The following MAML3 variants were observed in gnomAD, a reference collection of about 807,000 sequenced individuals.
The protein encoded by MAML3 is mastermind like transcriptional coactivator 3.
In MAML3, 27 loss-of-function variants were observed where a neutral mutation model predicts 101.9. That is an observed-to-expected ratio of 0.27 (90% CI 0.20 to 0.37). The LOEUF (loss-of-function observed/expected upper bound fraction) is 0.37. Among genes scored for constraint, MAML3 ranks in the 10% least tolerant of loss-of-function variants. MAML3 has a pLI of 1.00. For synonymous variants in MAML3, 501 were observed against 555.9 expected (o/e 0.90, Z 1.39); for missense variants, 1,316 against 1,444.9 (o/e 0.91, Z 1.45).
chr4:140,045,107 G>T (rs1022191749), intron 1 of MAML3, among the ~76,000 whole-genome samples: 18 of 152,134 alleles, frequency 1.2e-4, no homozygotes, highest in Admixed American at 5.2e-4. Flanking sequence ...TTAAAAAACA[G>T]AATCTGGGCC....
chr4:139,933,977 G>C (rs1044369085), intron 1 of MAML3, among the ~76,000 whole-genome samples: 1 of 152,130 alleles, frequency 6.6e-6, no homozygotes, highest in Admixed American at 6.6e-5. Flanking sequence ...GAGTGTATGT[G>C]ATTATGAATG....
intron 1 of MAML3, among the ~76,000 whole-genome samples, chr4:139,899,499 T>G (rs1227889926): frequency 6.6e-6 from 1 of 152,156 alleles, no homozygotes; most frequent in Non-Finnish European, 1.5e-5. Context: ...AACTGAGGGG[T>G]GCTCTGTGTC....
chr4:139,885,706 G>A (rs1205703749), intron 2 of MAML3, among the ~76,000 whole-genome samples: 1 of 149,594 alleles, frequency 6.7e-6, no homozygotes, highest in African/African-American at 2.5e-5. Context: ...GGCGGATCAC[G>A]AGGTCAGGAG....
chr4:140,128,074 T>A (rs1482205554), intron 1 of MAML3: 2 of 152,296 alleles, frequency 1.3e-5, no homozygotes, highest in East Asian at 3.9e-4. Context: ...AACAGGCAGC[T>A]CCTCTTCTCC....
chr4:140,083,337 C>G (rs1476463339), intron 1 of MAML3, among the ~76,000 whole-genome samples: 1 of 152,224 alleles, frequency 6.6e-6, no homozygotes, highest in African/African-American at 2.4e-5. Context: ...ACACATATAA[C>G]TAATACATGG....
chr4:139,827,317 C>T (rs985640703), intron 2 of MAML3, among the ~76,000 whole-genome samples: 21 of 152,166 alleles, frequency 1.4e-4, no homozygotes, highest in Non-Finnish European at 2.2e-4. Flanking sequence ...AGGAACAGTT[C>T]TCAGCAATGC....
chr4:140,123,174 A>G (rs531807105), intron 1 of MAML3, among the ~76,000 whole-genome samples: 1 of 150,890 alleles, frequency 6.6e-6, no homozygotes, highest in Admixed American at 6.6e-5. Context: ...GACCACAGCT[A>G]CTTTTCTACT....
At chr4:140,039,402 C>A (rs903533298) in intron 1 of MAML3, among the ~76,000 whole-genome samples, 3 of 152,290 alleles carry the variant, frequency 2.0e-5, no homozygotes, top group South Asian at 2.1e-4. Flanking sequence ...AGCCATGGAA[C>A]CATGGCTGAC....
intron 1 of MAML3, among the ~76,000 whole-genome samples, chr4:139,983,004 C>T (rs1383673808): frequency 1.3e-5 from 2 of 152,204 alleles, no homozygotes; most frequent in Non-Finnish European, 2.9e-5. Context: ...TAGGTCGGCA[C>T]CTTTATCGCC....
chr4:140,007,227 G>A lies in MAML3; in HGVS notation c.469-116260C>T, dbSNP rs542870177. The stretch of plus-strand genomic sequence containing the variant: ...GAAAAGTAAGATCTAAAAGAGATTA[G>A]AGAAAACAAGAGGATACGTGATAAA... On this transcript the variant is annotated intron_variant, in intron 1 of 4. Transcript: ENST00000509479. Among the ~76,000 whole-genome samples, 7 of 152,272 alleles carry A rather than the reference G, an allele frequency of 4.6e-5. No individual in the cohort carries two copies. The East Asian group carries it at 1.3e-3, about 29-fold the overall frequency.
chr4:140,052,092 GA>G (rs1251640980), intron 1 of MAML3, among the ~76,000 whole-genome samples: 1 of 151,940 alleles, frequency 6.6e-6, no homozygotes. Context: ...ATGGGTTAAG[GA>G]AAAAAATGAG....
Position 139,890,168 on chromosome 4 carries a change from T to G in MAML3, c.1268A>C (p.Gln423Pro). 6.2e-7 allele frequency: 1 copy of G among 1,613,438 alleles called. No homozygotes were observed. The highest frequency in any genetic ancestry group is 8.5e-7 in the Non-Finnish European group (1 of 1,179,864). The change falls in exon 2 of 5, where the codon CAA (glutamine) becomes CCA (proline). Residue 423 changes from glutamine to proline, a missense_variant. By Grantham distance (76) the Gln-to-Pro change is moderately conservative. Transcript: ENST00000509479. This position sits in a 1 kb window ranked among gnomAD's most constrained non-coding sequence, Gnocchi z 4.1. ...TGGAGCTTGGCCTGGAGTGTGGGCT[T>G]GGTTTGGAGTTTGAGGGGACTGGAC... is the stretch of plus-strand genomic sequence containing the variant. ...CAVQSPQTPN[Q>P]AHTPGQAPPR...
intron 1 of MAML3, among the ~76,000 whole-genome samples, chr4:140,074,066 A>G (rs563578433): frequency 1.1e-4 from 16 of 151,904 alleles, no homozygotes; most frequent in African/African-American, 3.6e-4. Context: ...CGGGAGGTGG[A>G]GGTTGCTATG....
intron 1 of MAML3, among the ~76,000 whole-genome samples, chr4:140,095,970 C>T (rs947995966): frequency 3.3e-5 from 5 of 151,686 alleles, no homozygotes; most frequent in African/African-American, 1.2e-4. Flanking sequence ...CCTGTGTAGT[C>T]TCAGCACCCA....
intron 1 of MAML3, among the ~76,000 whole-genome samples, chr4:140,049,366 T>G (rs1727231691): frequency 6.6e-6 from 1 of 152,134 alleles, no homozygotes; most frequent in Non-Finnish European, 1.5e-5. Flanking sequence ...GGGGTCAGGA[T>G]GCTATTGGTT....
chr4:139,764,455 G>A (rs1158126094), intron 2 of MAML3, among the ~76,000 whole-genome samples: 1 of 152,188 alleles, frequency 6.6e-6, no homozygotes, highest in African/African-American at 2.4e-5. Flanking sequence ...ATGGCCATTA[G>A]GTCCAAGAGC....
rs535112746 is a variant in MAML3, at chr4:139,944,403, C to T, written c.469-53436G>A. On this transcript the variant is annotated intron_variant, in intron 1 of 4. Coordinates refer to ENST00000509479, the MANE Select transcript of MAML3 (RefSeq NM_018717.5). ...GTCCATGTGATCTCATTGTTCAATTCCCACCTATGAGTGAGAATATGCAGT... is the reference window on the plus strand; with the variant it reads ...GTCCATGTGATCTCATTGTTCAATTTCCACCTATGAGTGAGAATATGCAGT... Among the ~76,000 whole-genome samples the T allele has an allele frequency of 5.3e-5, 8 of 152,066 alleles. No homozygotes were observed. In the East Asian group the frequency reaches 1.6e-3, roughly 30 times the overall value.
intron 1 of MAML3, among the ~76,000 whole-genome samples, chr4:139,893,372 T>C (rs1027748934): frequency 1.3e-5 from 2 of 152,144 alleles, no homozygotes; most frequent in African/African-American, 4.8e-5. Context: ...TGTCCTGAAA[T>C]AGGTCTTTCC....
At position 139,942,220 on chromosome 4, in the gene MAML3, A is replaced by G. The variant is rs189858050; in HGVS notation, c.469-51253T>C. ...CAGGCAGGCAGGCAGGAAGGAAGAC[A>G]TCCTTTAATACCAGAACAAAGAGCC... On this transcript the variant is annotated intron_variant, in intron 1 of 4. Transcript: ENST00000509479. 1.1e-3 allele frequency among the ~76,000 whole-genome samples: 167 copies of G among 152,220 alleles called. 1 individual carries two copies. Among genetic ancestry groups the G allele is most frequent in the Middle Eastern group, 3.4e-3 (1 of 294 alleles).
Sources: allele counts gnomAD v4.1 joint callset (sites outside exome capture counted in the v4.1 genomes callset), GRCh38; gene constraint gnomAD v4.1.1; non-coding constraint Gnocchi (gnomAD v3.1); transcripts MANE v1.5; gene names NCBI Gene and HGNC (gene_info 2026-07-23, HGNC 2026-07-21).